The following FILIP1L variants were observed in gnomAD, a reference collection of about 807,000 sequenced individuals.
FILIP1L encodes the protein filamin A-interacting protein 1-like.
In FILIP1L, 55 loss-of-function variants were observed where a neutral mutation model predicts 96.6. The ratio of observed to expected loss-of-function variants is 0.57; its 90% CI spans 0.46 to 0.71. The LOEUF (loss-of-function observed/expected upper bound fraction) is 0.71. Among genes scored for constraint, FILIP1L ranks in the 30% least tolerant of loss-of-function variants. The pLI, the probability that FILIP1L is intolerant of heterozygous loss-of-function variation, is 0.00. For missense variants in FILIP1L, 1,304 were observed against 1,321.2 expected, an observed-to-expected ratio of 0.99 and a Z score of 0.20; for synonymous variants, 467 against 473.9, an observed-to-expected ratio of 0.99 and a Z score of 0.19.
intron 4 of FILIP1L, among the ~76,000 whole-genome samples, chr3:99,908,834 A>G (rs559418571): frequency 3.3e-5 from 5 of 152,148 alleles, no homozygotes; most frequent in African/African-American, 4.8e-5. Context: ...TATAGAATAT[A>G]CAAAATAGAA....
At chr3:99,883,544 C>T (rs889316122) in intron 4 of FILIP1L, among the ~76,000 whole-genome samples, 6 of 151,974 alleles carry the variant, frequency 3.9e-5, no homozygotes, top group African/African-American at 1.5e-4. Context: ...GTTGTATAAA[C>T]AGATTTTCTT....
rs143009842 is a variant in FILIP1L, at chr3:100,017,869, A to G, written c.-10-86839T>C. Among the ~76,000 whole-genome samples, 97 of 152,314 alleles carry G rather than the reference A, an allele frequency of 6.4e-4. 1 individual carries two copies. The East Asian group carries it at 0.018, about 28-fold the overall frequency. On this transcript the variant is annotated intron_variant, in intron 1 of 5. Transcript: ENST00000477258. ...CTCTACCATCAGCTTTCTATTTCTC[A>G]GGCCCATAACTACATCGCCAGTTTT...
intron 1 of FILIP1L, among the ~76,000 whole-genome samples, chr3:100,018,944 G>A (rs1010604089): frequency 3.9e-5 from 6 of 152,100 alleles, no homozygotes; most frequent in African/African-American, 1.2e-4. Context: ...ATATAAAAAG[G>A]TGTTGAACTT....
intron 1 of FILIP1L, among the ~76,000 whole-genome samples, chr3:100,074,781 C>T (rs931133105): frequency 7.3e-6 from 1 of 137,082 alleles, no homozygotes; most frequent in Non-Finnish European, 1.5e-5. Flanking sequence ...GCAACCTCTG[C>T]CTACTGGGTT....
intron 1 of FILIP1L, among the ~76,000 whole-genome samples, chr3:99,947,048 G>A (rs1708030191): frequency 7.0e-6 from 1 of 143,768 alleles, no homozygotes. Context: ...GAGGCAGGGA[G>A]AATCACTTGC....
chr3:99,982,772 C>T (rs1709165715), intron 1 of FILIP1L, among the ~76,000 whole-genome samples: 4 of 152,310 alleles, frequency 2.6e-5, no homozygotes, highest in African/African-American at 7.2e-5. Flanking sequence ...GATCCTTCCT[C>T]ATTTTTCAAA....
rs145406218 is a variant in FILIP1L at position 100,007,509 on chromosome 3, G to A, written c.-10-76479C>T. 3.7e-3 allele frequency among the ~76,000 whole-genome samples: 569 copies of A among 152,244 alleles called. 3 individuals carry two copies. Among genetic ancestry groups the A allele is most frequent in the African/African-American group, 0.013 (541 of 41,540 alleles). On this transcript the variant is annotated intron_variant, in intron 1 of 5. Transcript: ENST00000477258. Reference sequence around the variant, plus strand: ...AAATCATGAAAGATGCAAAAGTCTAGTCAGCAGAAACAGTAAGAGATCCGT... The same window carrying A: ...AAATCATGAAAGATGCAAAAGTCTAATCAGCAGAAACAGTAAGAGATCCGT...
chr3:100,007,528 G>A (rs1433953766), intron 1 of FILIP1L, among the ~76,000 whole-genome samples: 2 of 152,146 alleles, frequency 1.3e-5, no homozygotes, highest in African/African-American at 2.4e-5. Context: ...AACAGTAAGA[G>A]ATCCGTTATG....
At chr3:100,091,462 A>T (rs925937157) in intron 1 of FILIP1L, among the ~76,000 whole-genome samples, 6 of 152,208 alleles carry the variant, frequency 3.9e-5, no homozygotes, top group African/African-American at 1.4e-4. Context: ...GAAATTAGGT[A>T]ACAAGAGCAG....
In FILIP1L at chr3:99,929,906, C is replaced by T; in HGVS notation, c.376G>A (p.Ala126Thr). 1 of 1,613,540 alleles carries T rather than the reference C, an allele frequency of 6.2e-7. No homozygotes were observed. The highest frequency in any genetic ancestry group is 1.1e-5 in the South Asian group (1 of 91,018). ...TCCTCCTGCCAAGGGGTAGATTTCG[C>T]TTGAAAAGCATCTCTCTGGAGAGCC... ...LEALQRDAFQ[A>T]KSTPWQEDIY... Residue 126 changes from alanine (A) to threonine (T), a missense_variant, in exon 3 of 6, where the codon GCG (alanine) becomes ACG (threonine). Coordinates refer to ENST00000477258, the MANE Select transcript of FILIP1L (RefSeq NM_001387850.1).
At chr3:99,981,628 A>G (rs376846659) in intron 1 of FILIP1L, among the ~76,000 whole-genome samples, 12 of 152,208 alleles carry the variant, frequency 7.9e-5, no homozygotes, top group African/African-American at 2.9e-4. Flanking sequence ...CCGTTTTGCA[A>G]GTGGAAAATT....
At chr3:99,993,682 A>G (rs1034654141) in intron 1 of FILIP1L, among the ~76,000 whole-genome samples, 3 of 152,204 alleles carry the variant, frequency 2.0e-5, no homozygotes, top group African/African-American at 7.2e-5. Context: ...GATTTTTATC[A>G]TAAAAGGATG....
chr3:100,015,458 C>G (rs1710314280), intron 1 of FILIP1L, among the ~76,000 whole-genome samples: 2 of 152,150 alleles, frequency 1.3e-5, no homozygotes, highest in Non-Finnish European at 2.9e-5. Context: ...ATTGAATCTA[C>G]AAATTGCTGT....
At chr3:100,006,499 A>G (rs1054705352) in intron 1 of FILIP1L, among the ~76,000 whole-genome samples, 1 of 152,066 alleles carries the variant, frequency 6.6e-6, no homozygotes, top group Admixed American at 6.6e-5. Context: ...TTTCTGCCCC[A>G]AAGTCTCCTT....
chr3:99,988,831 T>A (rs1709430506), intron 1 of FILIP1L, among the ~76,000 whole-genome samples: 1 of 152,202 alleles, frequency 6.6e-6, no homozygotes, highest in Admixed American at 6.5e-5. Context: ...CATTGGTAAT[T>A]TTTATTCCAA....
At chr3:100,054,049 A>G (rs779340399) in intron 1 of FILIP1L, among the ~76,000 whole-genome samples, 8 of 152,208 alleles carry the variant, frequency 5.3e-5, no homozygotes, top group Admixed American at 3.9e-4. Context: ...GAAGAGCTAC[A>G]TTATTTCCAA....
intron 4 of FILIP1L, among the ~76,000 whole-genome samples, chr3:99,877,377 G>C (rs1328996310): frequency 1.3e-5 from 2 of 152,170 alleles, no homozygotes; most frequent in Non-Finnish European, 2.9e-5. Context: ...GTGGAGTGGA[G>C]AAAGGATGTT....
intron 4 of FILIP1L, among the ~76,000 whole-genome samples, chr3:99,901,103 T>G (rs1402844582): frequency 6.6e-6 from 1 of 152,254 alleles, no homozygotes; most frequent in Admixed American, 6.5e-5. Flanking sequence ...TATACAACAT[T>G]CTTTTAACTT....
At chr3:99,930,124 T>C (rs1707430643) in intron 2 of FILIP1L, 95 bp from the exon 3 acceptor site, 2 of 990,006 alleles carry the variant, frequency 2.0e-6, no homozygotes, top group Non-Finnish European at 3.0e-6. Flanking sequence ...TTTTCTTCTC[T>C]TTCAAATCTA....
Sources: gnomAD v4.1 joint callset for allele counts (sites outside exome capture counted in the v4.1 genomes callset) on GRCh38, gnomAD v4.1.1 for gene constraint, MANE v1.5 for transcripts, NCBI Gene and HGNC (gene_info 2026-07-23, HGNC 2026-07-21) for gene names.